Variants in MIGA1 observed in about 807,000 individuals in gnomAD.
MIGA1 encodes the protein family with sequence similarity 73, member A.
Under a neutral mutation model 82.0 loss-of-function variants are expected in MIGA1, and 58 were observed. The ratio of observed to expected loss-of-function variants is 0.71; its 90% confidence interval spans 0.57 to 0.88. The LOEUF is 0.88. MIGA1 is among the 40% of genes least tolerant of loss of function. The pLI, the probability that MIGA1 is intolerant of heterozygous loss-of-function variation, is 0.00. For synonymous variants in MIGA1, 249 were observed against 253.6 expected, an observed-to-expected ratio of 0.98 and a Z score of 0.17; for missense variants, 751 against 749.1, an observed-to-expected ratio of 1.00 and a Z score of -0.03.
At chr1:77,823,285 T>A (rs1683900387) in intron 7 of MIGA1, among the ~76,000 whole-genome samples, 1 of 152,150 alleles carries the variant, frequency 6.6e-6, no homozygotes, top group African/African-American at 2.4e-5. Flanking sequence ...GGGTTACTTT[T>A]GGTAGATGAA....
intron 2 of MIGA1, among the ~76,000 whole-genome samples, chr1:77,798,141 T>C (rs1168843442): frequency 6.6e-6 from 1 of 152,206 alleles, no homozygotes; most frequent in Non-Finnish European, 1.5e-5. Flanking sequence ...CCATAACAAA[T>C]TACTACAAAC....
intron 5 of MIGA1, chr1:77,811,269 G>C (rs1279046688): frequency 1.6e-5 from 26 of 1,585,782 alleles, no homozygotes; most frequent in Non-Finnish European, 2.3e-5. Flanking sequence ...TCGCAATTCT[G>C]ATAGTGAGTA....
rs1365858981 is a variant in MIGA1, at chr1:77,877,977, T to G, written c.*2913T>G. 1 of 152,272 alleles carries G rather than the reference T, an allele frequency of 6.6e-6. No homozygotes were observed. The highest frequency in any genetic ancestry group is 1.5e-5 in the Non-Finnish European group (1 of 68,026). The allele number at this position is 152,272 out of a possible 1,614,324, so 9.4% of individuals were successfully genotyped here. On this transcript the variant is annotated 3_prime_UTR_variant, in exon 16 of 16. Coordinates refer to ENST00000370791, the MANE Select transcript of MIGA1 (RefSeq NM_198549.4). ...CACAAAAGAGGTAAGAGTGACCAAATAGAATTTTAGGACAATAAGTATAGG... is the reference window on the plus strand; with the variant it reads ...CACAAAAGAGGTAAGAGTGACCAAAGAGAATTTTAGGACAATAAGTATAGG...
chr1:77,843,483 A>G, intron 8 of MIGA1, 76 bp downstream of exon 8: 1 of 1,118,280 alleles, frequency 8.9e-7, no homozygotes, highest in Non-Finnish European at 1.3e-6. Flanking sequence ...TTATACTGTA[A>G]TTCAGTTTGG....
chr1:77,879,297 C>T lies in MIGA1; in HGVS notation c.*4233C>T, dbSNP rs2102000293. On this transcript the variant is annotated 3_prime_UTR_variant, in exon 16 of 16. Transcript: ENST00000370791. ...TGTGATTAGTGGAAATAAGAACATC[C>T]CTACTTTGTTCCTAATGAGTATATT... 6.6e-6 allele frequency: 1 copy of T among 152,020 alleles called. No individual in the cohort carries two copies. The highest frequency in any genetic ancestry group is 1.9e-4 in the East Asian group (1 of 5,186). The allele number at this position is 152,020 out of a possible 1,614,324, so 9.4% of individuals were successfully genotyped here. A position where few individuals can be genotyped will look rare whatever the true frequency, so the allele number is the denominator to read the frequency against.
chr1:77,817,414 G>C (rs928313778), intron 7 of MIGA1, among the ~76,000 whole-genome samples: 3 of 152,108 alleles, frequency 2.0e-5, no homozygotes, highest in African/African-American at 7.2e-5. Flanking sequence ...CATGCACTTA[G>C]TTAGCTTAGG....
At chr1:77,815,005 T>TA (rs1683519408) in intron 6 of MIGA1, 103 bp from the exon 7 acceptor site, 1 of 789,006 alleles carries the variant, frequency 1.3e-6, no homozygotes, top group Non-Finnish European at 1.8e-6. Flanking sequence ...GTTGTTTTTT[T>TA]ATATTACTCA....
chr1:77,814,972 T>A, intron 6 of MIGA1, 136 bp from the exon 7 acceptor site: 1 of 542,376 alleles, frequency 1.8e-6, no homozygotes, highest in Non-Finnish European at 2.9e-6. Context: ...CTTCTGCTGC[T>A]GTACTCTTTC....
At chr1:77,869,477 C>T (rs1321832501) in intron 14 of MIGA1, among the ~76,000 whole-genome samples, 2 of 138,034 alleles carry the variant, frequency 1.4e-5, no homozygotes, top group South Asian at 2.5e-4. Flanking sequence ...CAGACGGGGT[C>T]GTGGCCGGGC....
intron 2 of MIGA1, among the ~76,000 whole-genome samples, chr1:77,785,530 A>T (rs1682119619): frequency 6.6e-6 from 1 of 152,026 alleles, no homozygotes; most frequent in African/African-American, 2.4e-5. Context: ...TTTAGTAGAG[A>T]TGGGGTTTCT....
intron 8 of MIGA1, among the ~76,000 whole-genome samples, chr1:77,851,104 C>A (rs1685031185): frequency 1.3e-5 from 2 of 152,130 alleles, no homozygotes; most frequent in Non-Finnish European, 1.5e-5. Flanking sequence ...TCCTGACCCT[C>A]AGATGATCCA....
intron 2 of MIGA1, among the ~76,000 whole-genome samples, chr1:77,787,527 T>A (rs191084745): frequency 6.7e-4 from 101 of 151,860 alleles, no homozygotes; most frequent in African/African-American, 2.2e-3. Context: ...TAGCTGAGAT[T>A]ACAGGCGCCT....
intron 7 of MIGA1, among the ~76,000 whole-genome samples, chr1:77,839,464 G>C (rs972704062): frequency 6.6e-6 from 1 of 150,568 alleles, no homozygotes; most frequent in Non-Finnish European, 1.5e-5. Flanking sequence ...TTGAACTTAC[G>C]GGCTCAAGCG....
At chr1:77,825,511 T>C (rs1683996428) in intron 7 of MIGA1, among the ~76,000 whole-genome samples, 2 of 152,170 alleles carry the variant, frequency 1.3e-5, no homozygotes, top group African/African-American at 4.8e-5. Flanking sequence ...CATTCTGTGT[T>C]GCTACTTGTA....
At chr1:77,826,853 G>A (rs556845273) in intron 7 of MIGA1, among the ~76,000 whole-genome samples, 1 of 151,878 alleles carries the variant, frequency 6.6e-6, no homozygotes, top group African/African-American at 2.4e-5. Context: ...TGCCCAGGCT[G>A]GAGTGCAGTG....
chr1:77,878,610 T>G lies in MIGA1; in HGVS notation c.*3546T>G, dbSNP rs529394066. ...AATTATAAGAGGGACTTCAATTAAG[T>G]CACTCCTGAGAAAATATCCTTTTTT... is the stretch of plus-strand genomic sequence containing the variant. On this transcript the variant is annotated 3_prime_UTR_variant, in exon 16 of 16. Coordinates refer to ENST00000370791, the MANE Select transcript of MIGA1 (RefSeq NM_198549.4). 10 of 296,478 alleles carry G rather than the reference T, an allele frequency of 3.4e-5. No homozygotes were observed. The highest frequency in any genetic ancestry group is 2.6e-4 in the Admixed American group (5 of 19,344). The allele number at this position is 296,478 out of a possible 1,614,324, so 18.4% of individuals were successfully genotyped here.
At chr1:77,874,362 G>A (rs1646877325) in intron 15 of MIGA1, among the ~76,000 whole-genome samples, 2 of 150,996 alleles carry the variant, frequency 1.3e-5, no homozygotes, top group South Asian at 4.2e-4. Flanking sequence ...AAAAAAAAAA[G>A]CACATTTAAA....
intron 4 of MIGA1, among the ~76,000 whole-genome samples, chr1:77,806,643 A>G (rs1683111421): frequency 6.6e-6 from 1 of 152,260 alleles, no homozygotes; most frequent in Admixed American, 6.5e-5. Context: ...AAAATAAGCT[A>G]GCTAGCTTAA....
At chr1:77,785,630 A>G (rs1682124032) in intron 2 of MIGA1, among the ~76,000 whole-genome samples, 1 of 152,188 alleles carries the variant, frequency 6.6e-6, no homozygotes, top group African/African-American at 2.4e-5. Flanking sequence ...GGTGTGAGCC[A>G]CTGCACCCGG....
Sources: gnomAD v4.1 joint callset for allele counts (sites outside exome capture counted in the v4.1 genomes callset) on GRCh38, gnomAD v4.1.1 for gene constraint, MANE v1.5 for transcripts, NCBI Gene and HGNC (gene_info 2026-07-23, HGNC 2026-07-21) for gene names.